Variants in CHRM3 observed in about 807,000 individuals in gnomAD.
CHRM3 encodes cholinergic receptor muscarinic 3.
CHRM3 carries 11 observed loss-of-function variants against 41.8 expected under a neutral mutation model. The ratio of observed to expected loss-of-function variants is 0.26; its 90% CI spans 0.17 to 0.44. The LOEUF is 0.44. Ranked by LOEUF, CHRM3 falls within the 20% of genes least tolerant of loss-of-function variation. CHRM3 has a pLI of 1.00. For synonymous variants in CHRM3, 297 were observed against 301.4 expected (o/e 0.99, Z 0.15); for missense variants, 571 against 745.4 (o/e 0.77, Z 2.72).
chr1:239,489,378 A>C (rs1173496815), intron 1 of CHRM3, among the ~76,000 whole-genome samples: 11 of 151,588 alleles, frequency 7.3e-5, no homozygotes, highest in Admixed American at 4.6e-4. Flanking sequence ...GCGCCATTGC[A>C]CTCCAGCCTG....
intron 5 of CHRM3, among the ~76,000 whole-genome samples, chr1:239,761,294 A>G (rs1455967221): frequency 6.6e-6 from 1 of 152,058 alleles, no homozygotes; most frequent in Admixed American, 6.5e-5. Flanking sequence ...TCTTCAACAT[A>G]GAGAGAGATT....
At chr1:239,753,771 T>C (rs144588202) in intron 5 of CHRM3, among the ~76,000 whole-genome samples, 1,772 of 152,290 alleles carry the variant, frequency 0.012, 18 homozygotes, top group Non-Finnish European at 0.018. Context: ...AGCAGTATAT[T>C]GGGAAGCTGT....
intron 2 of CHRM3, among the ~76,000 whole-genome samples, chr1:239,539,828 G>T (rs946219204): frequency 3.3e-5 from 5 of 152,070 alleles, no homozygotes; most frequent in African/African-American, 1.2e-4. Flanking sequence ...TGTTGCCCAA[G>T]CAGGTCTCAA....
chr1:239,727,670 C>T (rs928114279), intron 5 of CHRM3: 9 of 151,736 alleles, frequency 5.9e-5, no homozygotes, highest in East Asian at 2.0e-4. Context: ...CTTTCAGCAC[C>T]GAATGATGCA....
intron 6 of CHRM3, among the ~76,000 whole-genome samples, chr1:239,888,368 C>CAA (rs561810044): frequency 1.5e-5 from 2 of 137,174 alleles, no homozygotes; most frequent in African/African-American, 2.7e-5. Flanking sequence ...GACTCTGTCT[C>CAA]AAAAAAAAAA....
intron 6 of CHRM3, among the ~76,000 whole-genome samples, chr1:239,900,873 G>T: frequency 6.6e-6 from 1 of 152,270 alleles, no homozygotes; most frequent in Non-Finnish European, 1.5e-5. Flanking sequence ...AGCAAGATCA[G>T]TCATTTCATT....
At chr1:239,423,735 T>C (rs894807116) in intron 1 of CHRM3, among the ~76,000 whole-genome samples, 2 of 152,040 alleles carry the variant, frequency 1.3e-5, no homozygotes, top group Admixed American at 6.6e-5. Flanking sequence ...GAAATACATA[T>C]TATTATCATA....
chr1:239,559,132 C>T (rs977406556), intron 3 of CHRM3, among the ~76,000 whole-genome samples: 13 of 152,188 alleles, frequency 8.5e-5, no homozygotes, highest in Admixed American at 2.0e-4. Flanking sequence ...CATCTCTTAT[C>T]ACTTTCCCTT....
rs1175710652 is a variant in CHRM3 at position 239,675,456 on chromosome 1, G to A, written c.-249-2730G>A. ...AAGTGTAGTTTGTCAAGAATTGCAA[G>A]ACAAGACCATTGCTAGAAGTTACAT... is the stretch of plus-strand genomic sequence containing the variant. On this transcript the variant is annotated intron_variant, in intron 4 of 6. Coordinates refer to ENST00000676153, the MANE Select transcript of CHRM3 (RefSeq NM_001375978.1). Among the ~76,000 whole-genome samples, 22 of 152,128 alleles carry A rather than the reference G, an allele frequency of 1.4e-4. 1 individual carries two copies. Among genetic ancestry groups the A allele is most frequent in the Admixed American group, 1.4e-3 (22 of 15,270 alleles).
intron 6 of CHRM3, among the ~76,000 whole-genome samples, chr1:239,845,754 G>A (rs976559104): frequency 1.3e-5 from 2 of 152,210 alleles, no homozygotes; most frequent in Non-Finnish European, 2.9e-5. Flanking sequence ...CTTGCATACC[G>A]AATTACAGCC....
chr1:239,401,382 A>C (rs4659544), intron 1 of CHRM3, among the ~76,000 whole-genome samples: 119,938 of 152,086 alleles, frequency 0.79, 49,420 homozygotes, highest in Non-Finnish European at 0.91. Context: ...CTAACTATGG[A>C]ACGTTTGACT....
At chr1:239,819,197 C>G (rs1365584760) in intron 5 of CHRM3, among the ~76,000 whole-genome samples, 1 of 152,198 alleles carries the variant, frequency 6.6e-6, no homozygotes, top group Non-Finnish European at 1.5e-5. Context: ...CCCTAACCTG[C>G]TCTCCTTCCA....
At chr1:239,824,312 A>G (rs934256477) in intron 5 of CHRM3, among the ~76,000 whole-genome samples, 1 of 152,200 alleles carries the variant, frequency 6.6e-6, no homozygotes, top group African/African-American at 2.4e-5. Flanking sequence ...CAAAGATTGC[A>G]CAAGGTGGAC....
At chr1:239,565,683 G>T (rs956447579) in intron 3 of CHRM3, among the ~76,000 whole-genome samples, 5 of 152,046 alleles carry the variant, frequency 3.3e-5, no homozygotes, top group African/African-American at 1.2e-4. Context: ...CTTTTTAAAA[G>T]TTTCACAATT....
At chr1:239,651,035 G>T (rs1208204995) in intron 4 of CHRM3, among the ~76,000 whole-genome samples, 1 of 152,154 alleles carries the variant, frequency 6.6e-6, no homozygotes, top group Non-Finnish European at 1.5e-5. Context: ...TAAGGCTCAT[G>T]ACAGCAAACC....
intron 5 of CHRM3, among the ~76,000 whole-genome samples, chr1:239,776,614 C>T (rs888878029): frequency 2.6e-5 from 4 of 152,168 alleles, no homozygotes; most frequent in Admixed American, 6.5e-5. Context: ...GGAAAAAATT[C>T]GCTAAATGAG....
intron 2 of CHRM3, among the ~76,000 whole-genome samples, chr1:239,537,742 C>T (rs1461382722): frequency 6.6e-6 from 1 of 152,210 alleles, no homozygotes; most frequent in Non-Finnish European, 1.5e-5. Flanking sequence ...CGATCCTCAT[C>T]CTAATTTCTT....
chr1:239,471,425 C>G (rs1157755638), intron 1 of CHRM3, among the ~76,000 whole-genome samples: 1 of 152,138 alleles, frequency 6.6e-6, no homozygotes, highest in Non-Finnish European at 1.5e-5. Flanking sequence ...AACGCTGACT[C>G]CCCCTGGTCC....
intron 6 of CHRM3, among the ~76,000 whole-genome samples, chr1:239,870,287 T>G (rs537352601): frequency 5.9e-5 from 9 of 152,208 alleles, no homozygotes; most frequent in Non-Finnish European, 1.3e-4. Flanking sequence ...TGAGCCAGCC[T>G]GTCCATCTCC....
Sources: allele counts gnomAD v4.1 joint callset (sites outside exome capture counted in the v4.1 genomes callset), GRCh38; gene constraint gnomAD v4.1.1; transcripts MANE v1.5; gene names NCBI Gene and HGNC (gene_info 2026-07-23, HGNC 2026-07-21).